FRMD6: variants seen among roughly 807,000 people sequenced by gnomAD.
FRMD6 encodes FERM domain containing 6.
In FRMD6, 37 loss-of-function variants were observed where a neutral mutation model predicts 73.2. The ratio of observed to expected loss-of-function variants is 0.51; its 90% CI spans 0.39 to 0.66. The LOEUF is 0.66. Among genes scored for constraint, FRMD6 ranks in the 30% least tolerant of loss-of-function variants. The pLI is 0.00. For missense variants in FRMD6, 714 were observed against 780.5 expected (o/e 0.91, Z 1.02); for synonymous variants, 273 against 282.2 (o/e 0.97, Z 0.33).
chr14:51,633,233 C>T (rs1891405007), intron 2 of FRMD6, among the ~76,000 whole-genome samples: 1 of 151,436 alleles, frequency 6.6e-6, no homozygotes, highest in Non-Finnish European at 1.5e-5. Flanking sequence ...AAATCAAACT[C>T]TCTGGAGATT....
At chr14:51,411,948 C>T in the FRMD6 span, among the ~76,000 whole-genome samples, 1 of 152,110 alleles carries the variant, frequency 6.6e-6, no homozygotes, top group Non-Finnish European at 1.5e-5. Flanking sequence ...TTTAAATTAA[C>T]TTTATTAAAT....
intron 1 of FRMD6, among the ~76,000 whole-genome samples, chr14:51,537,126 A>C (rs1885943276): frequency 6.6e-6 from 1 of 152,240 alleles, no homozygotes; most frequent in East Asian, 1.9e-4. Context: ...CCACCATTGT[A>C]GTATCATACA....
intron 1 of FRMD6, among the ~76,000 whole-genome samples, chr14:51,687,119 A>G (rs1895217371): frequency 6.6e-6 from 1 of 152,202 alleles, no homozygotes; most frequent in Non-Finnish European, 1.5e-5. Context: ...AAAATAAGCA[A>G]AAATTGTACC....
intron 2 of FRMD6, among the ~76,000 whole-genome samples, chr14:51,646,318 CAAAAAAAA>C (rs34495089): frequency 2.9e-5 from 2 of 69,256 alleles, no homozygotes; most frequent in Non-Finnish European, 5.2e-5. Flanking sequence ...ACTCCATATC[CAAAAAAAA>C]AAAAAAAAAA....
chr14:51,415,231 G>A, the FRMD6 span, among the ~76,000 whole-genome samples: 1 of 152,142 alleles, frequency 6.6e-6, no homozygotes, highest in East Asian at 1.9e-4. Flanking sequence ...TCTTGTGCCA[G>A]TTTTCAAAGG....
At chr14:51,621,005 A>C (rs1331600452) in intron 2 of FRMD6, among the ~76,000 whole-genome samples, 4 of 152,212 alleles carry the variant, frequency 2.6e-5, no homozygotes, top group African/African-American at 9.6e-5. Context: ...TGATAGAATC[A>C]ACTTTGTTTG....
chr14:51,575,308 A>G (rs997988672), intron 2 of FRMD6, among the ~76,000 whole-genome samples: 2 of 152,264 alleles, frequency 1.3e-5, no homozygotes, highest in Non-Finnish European at 2.9e-5. Flanking sequence ...AGTAATTCCA[A>G]CTTATCTATC....
intron 2 of FRMD6, among the ~76,000 whole-genome samples, chr14:51,594,071 G>A (rs910826695): frequency 2.6e-5 from 4 of 152,238 alleles, no homozygotes; most frequent in South Asian, 4.1e-4. Flanking sequence ...ATGAACTCAC[G>A]ACATTTCTTA....
At chr14:51,504,750 C>A (rs1410802064) in intron 1 of FRMD6, among the ~76,000 whole-genome samples, 1 of 152,212 alleles carries the variant, frequency 6.6e-6, no homozygotes. Flanking sequence ...TCCAGAACAA[C>A]TGCATTCCAT....
At chr14:51,568,454 A>G (rs1009935720) in intron 1 of FRMD6, among the ~76,000 whole-genome samples, 1 of 152,260 alleles carries the variant, frequency 6.6e-6, no homozygotes, top group African/African-American at 2.4e-5. Context: ...ATGAGTGACC[A>G]CTATCTTTGT....
At chr14:51,442,975 G>A in the FRMD6 span, among the ~76,000 whole-genome samples, 5 of 152,146 alleles carry the variant, frequency 3.3e-5, no homozygotes, top group African/African-American at 1.2e-4. Context: ...TGCTTTCTGA[G>A]CTTGGATTCC....
chr14:51,580,801 A>C (rs940920563), intron 2 of FRMD6, among the ~76,000 whole-genome samples: 6 of 152,196 alleles, frequency 3.9e-5, no homozygotes, highest in Admixed American at 3.3e-4. Flanking sequence ...TCAATTTGTA[A>C]ATGTATTTCA....
intron 3 of FRMD6, among the ~76,000 whole-genome samples, chr14:51,698,576 G>C (rs538293193): frequency 7.0e-4 from 107 of 152,094 alleles, no homozygotes; most frequent in African/African-American, 2.5e-3. Context: ...GGAATACTTA[G>C]GAAAGTAATT....
At chr14:51,526,539 C>G (rs1339847934) in intron 1 of FRMD6, among the ~76,000 whole-genome samples, 1 of 152,164 alleles carries the variant, frequency 6.6e-6, no homozygotes, top group East Asian at 1.9e-4. Flanking sequence ...AGTGATAGGT[C>G]CCTGTCCCTT....
At chr14:51,494,874 A>G (rs1333687849) in intron 1 of FRMD6, among the ~76,000 whole-genome samples, 2 of 152,126 alleles carry the variant, frequency 1.3e-5, no homozygotes, top group African/African-American at 2.4e-5. Context: ...TTTCCTTGTC[A>G]ACTATCGTTG....
At chr14:51,567,828 A>G (rs1887859723) in intron 1 of FRMD6, among the ~76,000 whole-genome samples, 1 of 152,200 alleles carries the variant, frequency 6.6e-6, no homozygotes, top group Non-Finnish European at 1.5e-5. Context: ...ACTTGATCAT[A>G]AGCACTTCCA....
intron 1 of FRMD6, among the ~76,000 whole-genome samples, chr14:51,499,550 G>A (rs61250016): frequency 0.018 from 2,798 of 152,328 alleles, 86 homozygotes; most frequent in African/African-American, 0.064. Context: ...AACAGCCCAA[G>A]GTCACACAGC....
chr14:51,703,662 A>G (rs1431591941), intron 5 of FRMD6, among the ~76,000 whole-genome samples: 6 of 152,100 alleles, frequency 3.9e-5, no homozygotes, highest in African/African-American at 1.4e-4. Context: ...GGCATGAACC[A>G]GTCCAAACCA....
At chr14:51,415,438 T>C in the FRMD6 span, among the ~76,000 whole-genome samples, 1,238 of 152,360 alleles carry the variant, frequency 8.1e-3, 8 homozygotes, top group Non-Finnish European at 0.013. Flanking sequence ...TGGTTCTGTT[T>C]ATATGATGGA....
Sources: gnomAD v4.1 joint callset for allele counts (sites outside exome capture counted in the v4.1 genomes callset) on GRCh38, gnomAD v4.1.1 for gene constraint, MANE v1.5 for transcripts, NCBI Gene and HGNC (gene_info 2026-07-23, HGNC 2026-07-21) for gene names.